Variants in SV2C observed in about 807,000 individuals in gnomAD.
The protein encoded by SV2C is solute carrier family 22 member B3.
A neutral mutation model predicts 79.7 loss-of-function variants in SV2C; 49 were observed. The observed-to-expected ratio is 0.61, with a 90% CI of 0.49 to 0.78. SV2C has a LOEUF of 0.78. Ranked by LOEUF, SV2C falls within the 30% of genes least tolerant of loss-of-function variation. The probability of loss-of-function intolerance (pLI) is 0.00; values close to 1 mark genes in which losing one functional copy is unlikely to be tolerated. For missense variants in SV2C, 833 were observed against 912.9 expected (o/e 0.91, Z 1.13); for synonymous variants, 334 against 333.2 (o/e 1.00, Z -0.03).
At chr5:76,019,652 A>G in the SV2C span, among the ~76,000 whole-genome samples, 2 of 152,122 alleles carry the variant, frequency 1.3e-5, no homozygotes, top group Non-Finnish European at 2.9e-5. Flanking sequence ...CTAATTGGTG[A>G]AAAAACCCAA....
chr5:76,163,115 G>A (rs1363773), intron 2 of SV2C, among the ~76,000 whole-genome samples: 16,014 of 152,124 alleles, frequency 0.11, 961 homozygotes, highest in Non-Finnish European at 0.13. Context: ...GCCCAGTCCC[G>A]CCTTGGTGCT....
At chr5:76,200,672 C>T (rs566004532) in intron 3 of SV2C, among the ~76,000 whole-genome samples, 2 of 152,108 alleles carry the variant, frequency 1.3e-5, no homozygotes, top group South Asian at 2.1e-4. Flanking sequence ...TGGGATCTCA[C>T]TCTGTCACCC....
intron 12 of SV2C, 97 bp from the exon 13 acceptor site, chr5:76,325,267 T>C (rs374181782): frequency 2.3e-6 from 3 of 1,284,452 alleles, no homozygotes; most frequent in Non-Finnish European, 2.2e-6. Flanking sequence ...CAACACAATC[T>C]GAGGGAAGAT....
intron 4 of SV2C, among the ~76,000 whole-genome samples, chr5:76,247,444 G>C (rs565140550): frequency 1.3e-5 from 2 of 152,218 alleles, no homozygotes; most frequent in South Asian, 4.1e-4. Context: ...AGGGATTGAA[G>C]TGGATACTGT....
chr5:76,059,893 G>A, the SV2C span, among the ~76,000 whole-genome samples: 2 of 152,084 alleles, frequency 1.3e-5, no homozygotes, highest in African/African-American at 4.8e-5. Flanking sequence ...AAGTGACTCT[G>A]ATCTGTGGGC....
At chr5:76,104,998 G>C (rs975250893) in intron 1 of SV2C, among the ~76,000 whole-genome samples, 2 of 152,134 alleles carry the variant, frequency 1.3e-5, no homozygotes, top group South Asian at 4.1e-4. Context: ...AAAAAGTCAT[G>C]TTCTCCCAGA....
the SV2C span, among the ~76,000 whole-genome samples, chr5:75,934,713 T>C: frequency 6.6e-6 from 1 of 152,272 alleles, no homozygotes; most frequent in South Asian, 2.1e-4. Context: ...TGCCTTCTTA[T>C]TAATTTCGCT....
the SV2C span, among the ~76,000 whole-genome samples, chr5:75,934,243 C>T: frequency 6.6e-6 from 1 of 151,130 alleles, no homozygotes; most frequent in African/African-American, 2.4e-5. Context: ...CCACTGAGAC[C>T]AAATGACATT....
the SV2C span, among the ~76,000 whole-genome samples, chr5:76,036,926 T>G: frequency 3.6e-3 from 541 of 152,344 alleles, 5 homozygotes; most frequent in East Asian, 0.044. Flanking sequence ...CCATATTTCT[T>G]GGAGGCTTTG....
At chr5:76,321,737 A>C (rs185776975) in intron 12 of SV2C, among the ~76,000 whole-genome samples, 57 of 139,670 alleles carry the variant, frequency 4.1e-4, no homozygotes, top group African/African-American at 1.5e-3. Flanking sequence ...GCGAGACCCT[A>C]TCATCTCTGA....
intron 3 of SV2C, 111 bp from the exon 4 acceptor site, chr5:76,209,625 C>A: frequency 9.7e-7 from 1 of 1,026,192 alleles, no homozygotes; most frequent in Non-Finnish European, 1.4e-6. Context: ...TGTTGATATG[C>A]TGGGATAGGG....
chr5:75,922,724 C>T, the SV2C span, among the ~76,000 whole-genome samples: 872 of 152,340 alleles, frequency 5.7e-3, 9 homozygotes, highest in African/African-American at 0.02. Flanking sequence ...CCAAAGATCA[C>T]TCAGAGTGAC....
At chr5:75,863,151 AT>A in the SV2C span, among the ~76,000 whole-genome samples, 1 of 152,170 alleles carries the variant, frequency 6.6e-6, no homozygotes, top group Non-Finnish European at 1.5e-5. Flanking sequence ...GATGTATAGC[AT>A]TTGCCAACTT....
intron 2 of SV2C, chr5:76,173,934 T>C: frequency 1.3e-6 from 2 of 1,579,002 alleles, no homozygotes; most frequent in Non-Finnish European, 1.7e-6. Flanking sequence ...TGTGCTGTGA[T>C]GGAATAAACT....
At chr5:76,033,563 T>A in the SV2C span, among the ~76,000 whole-genome samples, 1 of 152,212 alleles carries the variant, frequency 6.6e-6, no homozygotes, top group African/African-American at 2.4e-5. Context: ...GTTGTAGATA[T>A]TCAGCGTTAT....
the SV2C span, among the ~76,000 whole-genome samples, chr5:76,053,112 C>CAAA: frequency 5.2e-3 from 728 of 139,564 alleles, 3 homozygotes; most frequent in African/African-American, 0.017. Context: ...CAATATGGGC[C>CAAA]AAAAAAAAAA....
the SV2C span, among the ~76,000 whole-genome samples, chr5:76,058,064 T>C: frequency 1.3e-4 from 20 of 152,162 alleles, no homozygotes; most frequent in African/African-American, 4.1e-4. Flanking sequence ...GCATATTTCA[T>C]TTCTTCTTTC....
At chr5:76,033,790 C>A in the SV2C span, among the ~76,000 whole-genome samples, 4 of 151,962 alleles carry the variant, frequency 2.6e-5, no homozygotes, top group African/African-American at 9.7e-5. Context: ...TGAAGAAAGT[C>A]ATTGGTAGCT....
Position 76,325,682 on chromosome 5 carries a change from A to G in SV2C, c.*135A>G. 1 of 1,275,258 alleles carries G rather than the reference A, an allele frequency of 7.8e-7. No individual in the cohort carries two copies. 79.0% of individuals were successfully genotyped at this position (1,275,258 alleles called of 1,614,324 possible). Reference sequence around the variant, plus strand: ...GAACATAAACACGTGCTGTGACTTAAAATTTAGAAGCATATCATCTTGCCC... The same window carrying G: ...GAACATAAACACGTGCTGTGACTTAGAATTTAGAAGCATATCATCTTGCCC... On this transcript the variant is annotated 3_prime_UTR_variant, in exon 13 of 13. Coordinates refer to ENST00000502798, the MANE Select transcript of SV2C (RefSeq NM_014979.4).
Sources: gnomAD v4.1 joint callset for allele counts (sites outside exome capture counted in the v4.1 genomes callset) on GRCh38, gnomAD v4.1.1 for gene constraint, MANE v1.5 for transcripts, NCBI Gene and HGNC (gene_info 2026-07-23, HGNC 2026-07-21) for gene names.